The following LMNTD2 variants were observed in gnomAD, a reference collection of about 807,000 sequenced individuals.
The protein encoded by LMNTD2 is lamin tail domain-containing protein 2.
Under a neutral mutation model 70.1 loss-of-function variants are expected in LMNTD2, and 83 were observed. The ratio of observed to expected loss-of-function variants is 1.18; its 90% CI spans 0.99 to 1.42. LMNTD2 has a LOEUF of 1.42. Among genes scored for constraint, LMNTD2 ranks in the 40% most tolerant of loss-of-function variants. The probability of loss-of-function intolerance (pLI) is 0.00; values close to 1 mark genes in which losing one functional copy is unlikely to be tolerated. For synonymous variants in LMNTD2, 534 were observed against 406.1 expected (o/e 1.31, Z -3.79); for missense variants, 1,153 against 905.9 (o/e 1.27, Z -3.50).
At chr11:558,371 G>T in intron 3 of LMNTD2, 123 bp from the exon 4 acceptor site, 1 of 1,190,152 alleles carries the variant, frequency 8.4e-7, no homozygotes, top group Non-Finnish European at 1.2e-6. Context: ...AGGGCACACA[G>T]TACAGCCCCG....
At position 558,163 on chromosome 11, in the gene LMNTD2, A is replaced by T. The variant is rs1244080936; in HGVS notation, c.397T>A (p.Trp133Arg). ...ELKEQKERAQ[W>R]EKEHLEERLL... ...CACTCCCTGTGCCCCTGCCTCACCC[A>T]CTGGGCTCGCTCCTTCTGTTCCTTC... Residue 133 changes from tryptophan to arginine, a missense_variant and splice_region_variant, in exon 4 of 14, where the codon TGG (tryptophan) becomes AGG (arginine). Transcript: ENST00000329451. The T allele has an allele frequency of 6.2e-7, 1 of 1,613,202 alleles. No individual in the cohort carries two copies. The highest frequency in any genetic ancestry group is 1.7e-5 in the Admixed American group (1 of 60,006).
At chr11:558,535 G>A in intron 3 of LMNTD2, 79 bp downstream of exon 3, 3 of 1,497,566 alleles carry the variant, frequency 2.0e-6, no homozygotes, top group Non-Finnish European at 2.7e-6. Context: ...TCAGCGGTTG[G>A]GGTTGGGGTC....
At chr11:559,605 A>G (rs1564820283) in intron 1 of LMNTD2, 4 of 1,185,542 alleles carry the variant, frequency 3.4e-6, no homozygotes, top group East Asian at 1.2e-4. Flanking sequence ...GCCTGGCAGC[A>G]GCAGCGGGAT....
intron 1 of LMNTD2, chr11:560,230 C>A: frequency 4.6e-6 from 4 of 861,966 alleles, no homozygotes; most frequent in Non-Finnish European, 5.6e-6. Context: ...CAATCAATGG[C>A]CCACACAGCT....
Position 555,372 on chromosome 11 carries a change from G to T in LMNTD2, c.1706C>A (p.Pro569Gln). ...LPAIPGDPTL[P>Q]SPPAEAGLGL... The stretch of plus-strand genomic sequence containing the variant: ...CAGCCCGGCCTCTGCGGGAGGCGAC[G>T]GCAGGGTGGGGTCACCCGGGATGGC... The change falls in exon 13 of 14, where the codon CCG becomes CAG. Residue 569 changes from proline to glutamine, a missense_variant. Coordinates refer to ENST00000329451, the MANE Select transcript of LMNTD2 (RefSeq NM_173573.3). 7.1e-7 allele frequency: 1 copy of T among 1,415,042 alleles called. No individual in the cohort carries two copies. Among genetic ancestry groups the T allele is most frequent in the Admixed American group, 3.1e-5 (1 of 32,510 alleles). 87.7% of individuals were successfully genotyped at this position (1,415,042 alleles called of 1,614,324 possible).
intron 3 of LMNTD2, 129 bp downstream of exon 3, chr11:558,485 G>A (rs1853050414): frequency 9.6e-6 from 12 of 1,243,722 alleles, no homozygotes; most frequent in South Asian, 1.5e-5. Flanking sequence ...GGATCAGGGT[G>A]GAGGGTCAGC....
At position 556,245 on chromosome 11, in the gene LMNTD2, GC is replaced by G. The variant is rs559108897; in HGVS notation, c.1203del (p.Glu401AspfsTer54). On this transcript the variant is annotated frameshift_variant, in exon 10 of 14. Coordinates refer to ENST00000329451, the MANE Select transcript of LMNTD2 (RefSeq NM_173573.3). LOFTEE classifies it high-confidence loss of function. ...GTGCCCGGCGGGAAGCGGTACAGGC[GC>G]TCCGGGAAGCCGCGCACCAGCTGCT... ...VLKQLVRGFP[E>X]RLYRFPPGTL... 1.0e-4 allele frequency: 158 copies of G among 1,528,188 alleles called. 2 individuals carry two copies. In the African/African-American group the frequency reaches 2.0e-3, roughly 20 times the overall value. 94.7% of individuals were successfully genotyped at this position (1,528,188 alleles called of 1,614,324 possible). A position where few individuals can be genotyped will look rare whatever the true frequency, so the allele number is the denominator to read the frequency against.
At chr11:560,358 T>C (rs1853197560) in intron 1 of LMNTD2, 2 of 1,165,256 alleles carry the variant, frequency 1.7e-6, no homozygotes, top group Non-Finnish European at 2.1e-6. Context: ...CAGGAAGGTG[T>C]CGGAGAAGAG....
chr11:557,817 C>T, intron 5 of LMNTD2, 67 bp downstream of exon 5: 1 of 1,511,160 alleles, frequency 6.6e-7, no homozygotes, highest in Non-Finnish European at 8.9e-7. Context: ...CCAGCAGAGG[C>T]ACCCGACGAG....
Position 554,926 on chromosome 11 carries a change from G to T in LMNTD2, c.*54C>A. The stretch of plus-strand genomic sequence containing the variant: ...TGATGCAGCGGACACAGCCCGCCCA[G>T]CCCCGGCGCCCGCCCGCGCCCTCCC... On this transcript the variant is annotated 3_prime_UTR_variant, in exon 14 of 14. Transcript: ENST00000329451. 1.5e-6 allele frequency: 2 copies of T among 1,344,758 alleles called. No individual in the cohort carries two copies. The highest frequency in any genetic ancestry group is 2.0e-6 in the Non-Finnish European group (2 of 1,017,922). 83.3% of individuals were successfully genotyped at this position (1,344,758 alleles called of 1,614,324 possible).
chr11:558,211 C>G lies in LMNTD2; in HGVS notation c.349G>C (p.Val117Leu). Residue 117 changes from valine (V) to leucine (L), a missense_variant, in exon 4 of 14, where the codon GTC becomes CTC. By Grantham distance (32) the Val-to-Leu change is conservative (BLOSUM62 1). Coordinates refer to ENST00000329451, the MANE Select transcript of LMNTD2 (RefSeq NM_173573.3). ...TTCAACTCCTGGATCAGCTTCTGGA[C>G]CTGGTTCTGCAGGAGTTTCTCCTGA... The part of the protein sequence containing the change: ...HSQEKLLQNQ[V>L]QKLIQELKEQ... 6.2e-7 allele frequency: 1 copy of G among 1,613,606 alleles called. No homozygotes were observed. Among genetic ancestry groups the G allele is most frequent in the Non-Finnish European group, 8.5e-7 (1 of 1,179,868 alleles).
Position 556,959 on chromosome 11 carries a change from G to A in LMNTD2, c.852C>T (p.Asp284=). Residue 284 remains aspartate, a synonymous_variant, in exon 8 of 14, where the codon GAC becomes GAT. Coordinates refer to ENST00000329451, the MANE Select transcript of LMNTD2 (RefSeq NM_173573.3). The part of the protein sequence containing the change: ...NTSSSGGADS[D]SSSCRPGLPS... Reference sequence around the variant, plus strand: ...GCAGGCCCGGCCGGCAGCTGCTGGAGTCGGAGTCAGCGCCCCCTGAGCTGC... The same window carrying A: ...GCAGGCCCGGCCGGCAGCTGCTGGAATCGGAGTCAGCGCCCCCTGAGCTGC... 1.2e-6 allele frequency: 2 copies of A among 1,604,228 alleles called. No individual in the cohort carries two copies. Among genetic ancestry groups the A allele is most frequent in the South Asian group, 1.1e-5 (1 of 90,452 alleles).
intron 13 of LMNTD2, 46 bp downstream of exon 13, chr11:555,259 G>A (rs761485065): frequency 3.0e-6 from 4 of 1,318,656 alleles, no homozygotes; most frequent in South Asian, 1.9e-5. Flanking sequence ...GAGAGGAGGA[G>A]AACGAGGAGG....
chr11:558,332 G>A (rs1254875794), intron 3 of LMNTD2, 84 bp from the exon 4 acceptor site: 14 of 1,455,464 alleles, frequency 9.6e-6, no homozygotes, highest in African/African-American at 8.4e-5. Flanking sequence ...GAGGGGAGAA[G>A]GAGGGGCTCC....
chr11:555,414 G>T lies in LMNTD2; in HGVS notation c.1664C>A (p.Ala555Glu). The part of the protein sequence containing the change: ...PARPENPEIP[A>E]PQHLPAIPGD... ...CGGGATGGCGGGCAGGTGCTGCGGC[G>T]CGGGGATCTCGGGGTTCTCGGGCCG... The change falls in exon 13 of 14, where the codon GCG becomes GAG. Residue 555 changes from alanine (A) to glutamate (E), a missense_variant. Coordinates refer to ENST00000329451, the MANE Select transcript of LMNTD2 (RefSeq NM_173573.3). 2.1e-6 allele frequency: 3 copies of T among 1,402,328 alleles called. No individual in the cohort carries two copies. Among genetic ancestry groups the T allele is most frequent in the Non-Finnish European group, 1.8e-6 (2 of 1,083,900 alleles). 86.9% of individuals were successfully genotyped at this position (1,402,328 alleles called of 1,614,324 possible).
At position 555,488 on chromosome 11, in the gene LMNTD2, C is replaced by T; in HGVS notation, c.1590G>A (p.Leu530=). Residue 530 remains leucine (L), a synonymous_variant, in exon 13 of 14, where the codon CTG becomes CTA. Transcript: ENST00000329451. ...AGAGCTTCCCCGAGCTCACTGGGGG[C>T]AGCAGGCCCCGCGTCCTGGTGGGGC... ...SRRRPGTRGL[L]PPVSSGKLFH... The T allele has an allele frequency of 7.3e-7, 1 of 1,367,320 alleles. No individual in the cohort carries two copies. Among genetic ancestry groups the T allele is most frequent in the South Asian group, 1.8e-5 (1 of 54,110 alleles). 84.7% of individuals were successfully genotyped at this position (1,367,320 alleles called of 1,614,324 possible).
intron 13 of LMNTD2, 32 bp downstream of exon 13, chr11:555,268 GGGAGA>G: frequency 7.4e-7 from 1 of 1,349,446 alleles, no homozygotes. Flanking sequence ...AGAACGAGGA[GGGAGA>G]GGAGGGGGCG....
rs1484743748 is a variant in LMNTD2 at position 560,664 on chromosome 11, A to AGCGGGGCCAGACACCTACC, written c.34_34+18dup. ...AGGCTGCTGAGGAAGTCGGCCCAGGAGCGGGGCCAGACACCTACCCCGACG... is the reference window on the plus strand; with the variant it reads ...AGGCTGCTGAGGAAGTCGGCCCAGGAGCGGGGCCAGACACCTACCGCGGGGCCAGACACCTACCCCGACG... On this transcript the variant is annotated intron_variant, in intron 1 of 13. Transcript: ENST00000329451. 7.0e-7 allele frequency: 1 copy of AGCGGGGCCAGACACCTACC among 1,420,610 alleles called. No homozygotes were observed. The highest frequency in any genetic ancestry group is 2.0e-4 in the Middle Eastern group (1 of 4,948). The allele number at this position is 1,420,610 out of a possible 1,614,324, so 88.0% of individuals were successfully genotyped here.
intron 12 of LMNTD2, 99 bp from the exon 13 acceptor site, chr11:555,602 G>A: frequency 7.9e-7 from 1 of 1,262,198 alleles, no homozygotes. Context: ...GGGCGTACTG[G>A]AGGACCAGGG....
Sources: gnomAD v4.1 joint callset for allele counts on GRCh38, gnomAD v4.1.1 for gene constraint, MANE v1.5 for transcripts, NCBI Gene and HGNC (gene_info 2026-07-23, HGNC 2026-07-21) for gene names.